The following MOK variants were observed in gnomAD, a reference collection of about 807,000 sequenced individuals.
MOK encodes MOK protein kinase, also known as MAPK/MAK/MRK overlapping kinase.
In MOK, 59 loss-of-function variants were observed where a neutral mutation model predicts 54.2. That is an observed-to-expected ratio of 1.09 (90% CI 0.88 to 1.35). The LOEUF (loss-of-function observed/expected upper bound fraction) is 1.35, where lower values mean the gene tolerates loss of function less well. Among genes scored for constraint, MOK ranks in the 40% most tolerant of loss-of-function variants. MOK has a pLI of 0.00. For missense variants in MOK, 517 were observed against 526.2 expected (o/e 0.98, Z 0.17); for synonymous variants, 210 against 202.7 (o/e 1.04, Z -0.31).
chr14:102,237,767 C>A (rs1567146749), intron 7 of MOK, among the ~76,000 whole-genome samples: 1 of 152,206 alleles, frequency 6.6e-6, no homozygotes, highest in African/African-American at 2.4e-5. Flanking sequence ...GCCTACCTCT[C>A]TAAACAGTTA....
intron 6 of MOK, 79 bp from the exon 7 acceptor site, chr14:102,251,069 C>T: frequency 6.8e-7 from 1 of 1,465,044 alleles, no homozygotes; most frequent in Non-Finnish European, 9.3e-7. Context: ...AATATTTATG[C>T]ACCAGCAGGA....
intron 1 of MOK, among the ~76,000 whole-genome samples, chr14:102,299,144 A>C (rs949264181): frequency 1.3e-5 from 2 of 152,080 alleles, no homozygotes; most frequent in South Asian, 2.1e-4. Flanking sequence ...AGAAAGACAA[A>C]TTACTTGACT....
chr14:102,275,151 A>C (rs1426667406), intron 2 of MOK, among the ~76,000 whole-genome samples: 1 of 152,232 alleles, frequency 6.6e-6, no homozygotes, highest in Non-Finnish European at 1.5e-5. Flanking sequence ...TTTTGACAAA[A>C]TAATCCACTG....
intron 3 of MOK, 71 bp downstream of exon 3, chr14:102,265,752 T>C (rs2067848942): frequency 1.6e-6 from 2 of 1,265,088 alleles, no homozygotes; most frequent in African/African-American, 1.5e-5. Flanking sequence ...ATGTCTACCA[T>C]GGTTTTCTTT....
intron 1 of MOK, among the ~76,000 whole-genome samples, chr14:102,296,106 C>T (rs1159001881): frequency 1.3e-5 from 2 of 152,090 alleles, no homozygotes; most frequent in East Asian, 3.9e-4. Flanking sequence ...ATTAGCCAGG[C>T]GTGGTGGTGC....
chr14:102,293,319 A>C (rs1023857060), intron 1 of MOK, among the ~76,000 whole-genome samples: 1 of 152,236 alleles, frequency 6.6e-6, no homozygotes, highest in Non-Finnish European at 1.5e-5. Flanking sequence ...ATAATATTTC[A>C]TGACATGGGA....
chr14:102,243,941 T>C (rs1203659490), intron 7 of MOK, among the ~76,000 whole-genome samples: 1 of 152,228 alleles, frequency 6.6e-6, no homozygotes, highest in African/African-American at 2.4e-5. Context: ...GCCAAACTCA[T>C]TGCTTTAACT....
At chr14:102,222,094 G>A (rs1206558143), downstream of MOK, among the ~76,000 whole-genome samples, 6 of 106,230 alleles carry the variant, frequency 5.6e-5, no homozygotes, top group South Asian at 3.2e-4. This position sits in a 1 kb window ranked among gnomAD's most constrained non-coding sequence, Gnocchi z 4.4. Context: ...CCCCGCCCCC[G>A]CCCCCGACAG....
chr14:102,242,404 C>T (rs1680050699), intron 7 of MOK, among the ~76,000 whole-genome samples: 1 of 152,072 alleles, frequency 6.6e-6, no homozygotes. Context: ...TATCTGCTTC[C>T]CTGACTATTC....
At chr14:102,301,823 A>G (rs1162062688) in intron 1 of MOK, among the ~76,000 whole-genome samples, 3 of 152,248 alleles carry the variant, frequency 2.0e-5, no homozygotes, top group African/African-American at 7.2e-5. Context: ...AGAACATACC[A>G]AACAATACTA....
In MOK at chr14:102,278,553, T is replaced by C; in HGVS notation, c.122+4925A>G. 2.4e-5 allele frequency: 10 copies of C among 414,320 alleles called. 1 individual carries two copies. The highest frequency in any genetic ancestry group is 1.7e-4 in the South Asian group (10 of 57,868). The allele number at this position is 414,320 out of a possible 1,614,324, so 25.7% of individuals were successfully genotyped here. A position where few individuals can be genotyped will look rare whatever the true frequency, so the allele number is the denominator to read the frequency against. On this transcript the variant is annotated intron_variant, in intron 2 of 11. Transcript: ENST00000361847. ...TGTAGACCTGACGTTGGCATCAGCA[T>C]CTGCAGCTGGGAAGAACGGTGGGAA...
intron 1 of MOK, among the ~76,000 whole-genome samples, chr14:102,284,325 T>C (rs2069789541): frequency 1.3e-5 from 2 of 151,948 alleles, no homozygotes; most frequent in African/African-American, 4.8e-5. Flanking sequence ...CATGATGAAA[T>C]ATCGCCCACT....
At chr14:102,263,694 T>A in intron 3 of MOK, 78 bp from the exon 4 acceptor site, 1 of 973,310 alleles carries the variant, frequency 1.0e-6, no homozygotes, top group South Asian at 1.6e-5. Context: ...AATTCATTTG[T>A]AAACATTTCT....
intron 1 of MOK, among the ~76,000 whole-genome samples, chr14:102,294,433 G>A (rs141101579): frequency 0.058 from 8,591 of 147,648 alleles, 380 homozygotes; most frequent in African/African-American, 0.12. Context: ...GTGATAGAGC[G>A]AGACTCCGTC....
chr14:102,280,572 T>C (rs2069309465), intron 2 of MOK: 1 of 152,194 alleles, frequency 6.6e-6, no homozygotes, highest in Non-Finnish European at 1.5e-5. Context: ...ACATAAATTG[T>C]TTCTGAAATA....
downstream of MOK, chr14:102,222,774 G>C: frequency 6.2e-7 from 1 of 1,605,026 alleles, no homozygotes; most frequent in Non-Finnish European, 8.5e-7. This position sits in a 1 kb window ranked among gnomAD's most constrained non-coding sequence, Gnocchi z 4.4. Flanking sequence ...GGCGCGCATG[G>C]TGGCTGTTGC....
In MOK at chr14:102,230,285, T is replaced by G. The variant is rs539236833; in HGVS notation, c.982-628A>C. 3 of 153,074 alleles carry G rather than the reference T, an allele frequency of 2.0e-5. No individual in the cohort carries two copies. Among genetic ancestry groups the G allele is most frequent in the East Asian group, 3.9e-4 (2 of 5,178 alleles). The allele number at this position is 153,074 out of a possible 1,614,324, so 9.5% of individuals were successfully genotyped here. A position where few individuals can be genotyped will look rare whatever the true frequency, so the allele number is the denominator to read the frequency against. On this transcript the variant is annotated intron_variant, in intron 10 of 11. Transcript: ENST00000361847. This position sits in a 1 kb window ranked among gnomAD's most constrained non-coding sequence, Gnocchi z 4.1. ...CTGGTCTCAAACTCCTGGCCTCAAG[T>G]GATCCTACCCTGGCCTCCCTAAGCA...
intron 7 of MOK, among the ~76,000 whole-genome samples, chr14:102,248,204 C>T (rs548013557): frequency 6.6e-6 from 1 of 152,308 alleles, no homozygotes; most frequent in Non-Finnish European, 1.5e-5. Flanking sequence ...GCCCACCCCT[C>T]CCCCTAATGC....
chr14:102,251,844 T>G (rs2066554229), intron 5 of MOK, 40 bp from the exon 6 acceptor site: 1 of 1,537,880 alleles, frequency 6.5e-7, no homozygotes, highest in Admixed American at 1.7e-5. Context: ...TACACTTCAT[T>G]TATTCAAATT....
Sources: gnomAD v4.1 joint callset for allele counts (sites outside exome capture counted in the v4.1 genomes callset) on GRCh38, gnomAD v4.1.1 for gene constraint, Gnocchi (gnomAD v3.1) non-coding constraint, MANE v1.5 for transcripts, NCBI Gene and HGNC (gene_info 2026-07-23, HGNC 2026-07-21) for gene names.